Variants in CTNND2 observed in about 807,000 individuals in gnomAD.
CTNND2 encodes the protein catenin delta-2.
Under a neutral mutation model 144.4 loss-of-function variants are expected in CTNND2, and 22 were observed. The observed-to-expected ratio is 0.15, with a 90% CI of 0.11 to 0.22. CTNND2 has a LOEUF of 0.22. Ranked by LOEUF, CTNND2 falls within the 10% of genes least tolerant of loss-of-function variation. The pLI, the probability that CTNND2 is intolerant of heterozygous loss-of-function variation, is 1.00. For missense variants in CTNND2, 1,353 were observed against 1,618.8 expected (o/e 0.84, Z 2.82); for synonymous variants, 751 against 695.6 (o/e 1.08, Z -1.25).
At chr5:11,602,389 A>T in intron 2 of CTNND2, among the ~76,000 whole-genome samples, 1 of 151,722 alleles carries the variant, frequency 6.6e-6, no homozygotes, top group Non-Finnish European at 1.5e-5. Flanking sequence ...TTCCCCATGG[A>T]CATGTGTCAG....
intron 11 of CTNND2, among the ~76,000 whole-genome samples, chr5:11,181,536 T>C (rs750976443): frequency 1.3e-5 from 2 of 152,208 alleles, no homozygotes; most frequent in Non-Finnish European, 2.9e-5. Flanking sequence ...GCCCAGTGTA[T>C]AGAACAGATA....
At chr5:11,421,475 G>C (rs1204866034) in intron 3 of CTNND2, among the ~76,000 whole-genome samples, 1 of 152,178 alleles carries the variant, frequency 6.6e-6, no homozygotes, top group Non-Finnish European at 1.5e-5. Flanking sequence ...CTTTGAGGGG[G>C]ACCGGCTTTG....
intron 1 of CTNND2, among the ~76,000 whole-genome samples, chr5:11,867,873 A>C (rs1218499445): frequency 1.3e-5 from 2 of 151,408 alleles, no homozygotes; most frequent in Non-Finnish European, 2.9e-5. Context: ...TGAAAAACAG[A>C]AACAGTGTAA....
intron 3 of CTNND2, among the ~76,000 whole-genome samples, chr5:11,516,956 G>A (rs531443416): frequency 6.4e-4 from 97 of 152,288 alleles, no homozygotes; most frequent in African/African-American, 2.3e-3. Context: ...ACTACCATAT[G>A]TTTATGTAGT....
At chr5:11,060,284 A>T (rs1746817390) in intron 16 of CTNND2, among the ~76,000 whole-genome samples, 1 of 152,152 alleles carries the variant, frequency 6.6e-6, no homozygotes, top group Non-Finnish European at 1.5e-5. Flanking sequence ...TTGGCACTGC[A>T]CCTATGGGCC....
At chr5:11,561,504 G>C (rs551784782) in intron 3 of CTNND2, among the ~76,000 whole-genome samples, 1 of 152,278 alleles carries the variant, frequency 6.6e-6, no homozygotes, top group South Asian at 2.1e-4. Flanking sequence ...TATGCATTTG[G>C]ATGTTTAGGA....
chr5:11,564,637 A>C (rs1776932840), intron 3 of CTNND2, among the ~76,000 whole-genome samples: 1 of 152,168 alleles, frequency 6.6e-6, no homozygotes, highest in Non-Finnish European at 1.5e-5. Flanking sequence ...AAAAGTCCCA[A>C]ACTCGGAGAC....
chr5:11,390,995 C>A (rs950187717), intron 6 of CTNND2, among the ~76,000 whole-genome samples: 4 of 152,102 alleles, frequency 2.6e-5, no homozygotes, highest in African/African-American at 9.7e-5. Context: ...AGGGCCAGGG[C>A]CACAGAGGAG....
intron 9 of CTNND2, among the ~76,000 whole-genome samples, chr5:11,317,668 T>C (rs1751648990): frequency 6.6e-6 from 1 of 152,186 alleles, no homozygotes; most frequent in South Asian, 2.1e-4. Flanking sequence ...CAAACATGAT[T>C]ATTTCTTTAA....
chr5:11,107,956 C>T (rs908339049), intron 14 of CTNND2, among the ~76,000 whole-genome samples: 4 of 152,166 alleles, frequency 2.6e-5, no homozygotes, highest in Non-Finnish European at 5.9e-5. Context: ...AGGCATTGGG[C>T]TAGAAGTCAC....
At chr5:11,136,740 G>C (rs777618609) in intron 12 of CTNND2, among the ~76,000 whole-genome samples, 2 of 152,206 alleles carry the variant, frequency 1.3e-5, no homozygotes, top group Non-Finnish European at 2.9e-5. Flanking sequence ...TTCTAGGGAA[G>C]TCTCATGTAG....
At chr5:11,823,679 C>A (rs1793443906) in intron 1 of CTNND2, among the ~76,000 whole-genome samples, 1 of 152,020 alleles carries the variant, frequency 6.6e-6, no homozygotes, top group South Asian at 2.1e-4. Flanking sequence ...AGGTATTATT[C>A]ATGCTATGTA....
At chr5:11,358,410 T>G (rs532692151) in intron 8 of CTNND2, among the ~76,000 whole-genome samples, 4 of 152,348 alleles carry the variant, frequency 2.6e-5, no homozygotes, top group African/African-American at 9.6e-5. Context: ...TGGGTTGATA[T>G]AAAATTTCTA....
In CTNND2 at chr5:10,988,060, T is replaced by C. The variant is rs879353; in HGVS notation, c.3343+51A>G. On this transcript the variant is annotated intron_variant, in intron 20 of 21. Coordinates refer to ENST00000304623, the MANE Select transcript of CTNND2 (RefSeq NM_001332.4). The surrounding 1 kb of genome is among the most constrained non-coding windows in gnomAD (Gnocchi z 5.9). The stretch of plus-strand genomic sequence containing the variant: ...CCTGATGTCCCATATCTCTGCCTTG[T>C]CGCGGGTCAAGCCACCAAGTTCCAG... The C allele has an allele frequency of 0.37, 588,554 of 1,609,490 alleles. 110,129 individuals carry two copies. The highest frequency in any genetic ancestry group is 0.49 in the African/African-American group (37,050 of 74,862).
At chr5:11,109,447 G>C (rs1752733987) in intron 14 of CTNND2, among the ~76,000 whole-genome samples, 1 of 151,990 alleles carries the variant, frequency 6.6e-6, no homozygotes, top group South Asian at 2.1e-4. Flanking sequence ...ATATTATAGT[G>C]TCTTTTTAAG....
At chr5:11,646,439 T>A (rs896117378) in intron 2 of CTNND2, among the ~76,000 whole-genome samples, 1 of 152,184 alleles carries the variant, frequency 6.6e-6, no homozygotes, top group African/African-American at 2.4e-5. Flanking sequence ...CCTTTCACAA[T>A]AATAGACACG....
At position 11,847,128 on chromosome 5, in the gene CTNND2, T is replaced by A. The variant is rs2125386; in HGVS notation, c.37+56689A>T. 5.2e-3 allele frequency among the ~76,000 whole-genome samples: 376 copies of A among 72,348 alleles called. 16 individuals carry two copies. The highest frequency in any genetic ancestry group is 0.017 in the African/African-American group (231 of 13,984). The allele number at this position is 72,348 out of a possible 152,430, so 47.5% of individuals were successfully genotyped here. On this transcript the variant is annotated intron_variant, in intron 1 of 21. Coordinates refer to ENST00000304623, the MANE Select transcript of CTNND2 (RefSeq NM_001332.4). ...AAATAAAATCAGTATGTCAAAGATT[T>A]TATATATATATATATATATATATAT...
At chr5:11,514,789 C>G (rs564665904) in intron 3 of CTNND2, among the ~76,000 whole-genome samples, 2 of 152,152 alleles carry the variant, frequency 1.3e-5, no homozygotes, top group South Asian at 2.1e-4. Context: ...CCCATTCCCC[C>G]CAAAAATCAC....
At chr5:11,738,031 C>T (rs193014688) in intron 1 of CTNND2, among the ~76,000 whole-genome samples, 2 of 152,214 alleles carry the variant, frequency 1.3e-5, no homozygotes, top group African/African-American at 4.8e-5. Flanking sequence ...ATTTTCTCAA[C>T]TTTCTTTCCC....
Sources: gnomAD v4.1 joint callset for allele counts (sites outside exome capture counted in the v4.1 genomes callset) on GRCh38, gnomAD v4.1.1 for gene constraint, Gnocchi (gnomAD v3.1) non-coding constraint, MANE v1.5 for transcripts, NCBI Gene and HGNC (gene_info 2026-07-23, HGNC 2026-07-21) for gene names.